Variants in RBPJ observed in about 807,000 individuals in gnomAD.
RBPJ encodes recombination signal binding protein for immunoglobulin kappa J region.
A neutral mutation model predicts 67.8 loss-of-function variants in RBPJ; 9 were observed. The ratio of observed to expected loss-of-function variants is 0.13; its 90% CI spans 0.08 to 0.23. RBPJ has a LOEUF of 0.23. Among genes scored for constraint, RBPJ ranks in the 10% least tolerant of loss-of-function variants. The pLI, the probability that RBPJ is intolerant of heterozygous loss-of-function variation, is 1.00. For synonymous variants in RBPJ, 198 were observed against 203.3 expected (o/e 0.97, Z 0.22); for missense variants, 305 against 595.6 (o/e 0.51, Z 5.08).
chr4:26,343,900 G>A (rs531667543), intron 1 of RBPJ, among the ~76,000 whole-genome samples: 6 of 151,930 alleles, frequency 3.9e-5, no homozygotes, highest in East Asian at 1.9e-4. Flanking sequence ...ACAGGCGCCC[G>A]CCACCACACT....
chr4:26,228,409 G>A (rs1263335764), intron 1 of RBPJ, among the ~76,000 whole-genome samples: 4 of 152,050 alleles, frequency 2.6e-5, no homozygotes, highest in African/African-American at 9.7e-5. Context: ...GCATGTATCC[G>A]GTCTTGATGT....
In RBPJ at chr4:26,385,254, C is replaced by T. The variant is rs1730792731; in HGVS notation, c.21-1099C>T. On this transcript the variant is annotated intron_variant, in intron 1 of 10. Transcript: ENST00000355476. ...CAGGCTGGTCTCGAACTCCTGACCT[C>T]AGGTGATCTGCCTGCCTCGGCCTCC... is the stretch of plus-strand genomic sequence containing the variant. 1.3e-5 allele frequency among the ~76,000 whole-genome samples: 2 copies of T among 151,730 alleles called. 1 individual carries two copies. Among genetic ancestry groups the T allele is most frequent in the African/African-American group, 4.8e-5 (2 of 41,270 alleles).
intron 1 of RBPJ, among the ~76,000 whole-genome samples, chr4:26,267,110 G>C (rs1720726634): frequency 6.6e-6 from 1 of 152,202 alleles, no homozygotes; most frequent in Non-Finnish European, 1.5e-5. Flanking sequence ...CAGAAGCCCA[G>C]TATTGACTTC....
chr4:26,238,326 T>G (rs1323201100), intron 1 of RBPJ, among the ~76,000 whole-genome samples: 2 of 152,182 alleles, frequency 1.3e-5, no homozygotes, highest in East Asian at 3.8e-4. Flanking sequence ...CCTCCCAAAG[T>G]GCTGGGATTA....
rs1165093974 is a variant in RBPJ at position 26,231,914 on chromosome 4, CAG to C, written c.-167+68303_-167+68304del. Among the ~76,000 whole-genome samples the C allele has an allele frequency of 2.7e-5, 4 of 150,200 alleles. No individual in the cohort carries two copies. In the East Asian group the frequency reaches 7.9e-4, roughly 30 times the overall value. On this transcript the variant is annotated intron_variant, in intron 1 of 4. Coordinates refer to the RBPJ transcript ENST00000512351. ...TTATTTATTTATTTATTTTTTTAGA[CAG>C]AGTCTCACTCTGTCGCCCAGGCTGG...
chr4:26,236,731 G>A (rs1719464344), intron 1 of RBPJ, among the ~76,000 whole-genome samples: 1 of 152,192 alleles, frequency 6.6e-6, no homozygotes, highest in Admixed American at 6.5e-5. Context: ...AACTCAATGT[G>A]GATGGGACCA....
chr4:26,271,139 C>T (rs902675287), intron 1 of RBPJ, among the ~76,000 whole-genome samples: 4 of 152,162 alleles, frequency 2.6e-5, no homozygotes, highest in African/African-American at 9.7e-5. Context: ...CTCCCAGGCT[C>T]AAGCTCTCCT....
chr4:26,286,259 G>T (rs890478196), intron 1 of RBPJ, among the ~76,000 whole-genome samples: 11 of 151,960 alleles, frequency 7.2e-5, no homozygotes, highest in Non-Finnish European at 1.6e-4. Context: ...CGGAAGGATC[G>T]CTTGAGCCCA....
intron 1 of RBPJ, among the ~76,000 whole-genome samples, chr4:26,338,038 T>C (rs1355792111): frequency 2.6e-5 from 4 of 151,790 alleles, no homozygotes; most frequent in Non-Finnish European, 4.4e-5. Context: ...ATACAGGAGT[T>C]AAAATTTTTA....
chr4:26,207,407 A>G (rs1010529599), intron 1 of RBPJ, among the ~76,000 whole-genome samples: 1 of 152,180 alleles, frequency 6.6e-6, no homozygotes, highest in Non-Finnish European at 1.5e-5. Context: ...TCTTCCCCGC[A>G]AAGCACCTAG....
intron 4 of RBPJ, among the ~76,000 whole-genome samples, chr4:26,420,170 AT>A (rs10707719): frequency 0.52 from 78,226 of 149,742 alleles, 20,992 homozygotes; most frequent in Admixed American, 0.63. Context: ...CTTTATTATT[AT>A]TTTTTTTTTG....
Position 26,391,911 on chromosome 4 carries a change from A to C in RBPJ, c.59+5520A>C, listed in dbSNP as rs765593221. ...CATAATTCTGGAGGCTGGGAAGTCT[A>C]AGATTAAGACACCAGTGTGTTTGAT... is the stretch of plus-strand genomic sequence containing the variant. On this transcript the variant is annotated intron_variant, in intron 2 of 10. Coordinates refer to ENST00000355476, the MANE Select transcript of RBPJ (RefSeq NM_015874.6). Among the ~76,000 whole-genome samples, 6 of 152,308 alleles carry C rather than the reference A, an allele frequency of 3.9e-5. No individual in the cohort carries two copies. The South Asian group carries it at 1.2e-3, about 32-fold the overall frequency.
At chr4:26,348,907 A>G (rs1726476433) in intron 1 of RBPJ, among the ~76,000 whole-genome samples, 2 of 152,016 alleles carry the variant, frequency 1.3e-5, no homozygotes, top group South Asian at 2.1e-4. Context: ...GAGTCTCACT[A>G]TGTTGCTCAG....
At chr4:26,387,336 A>G (rs991219817) in intron 2 of RBPJ, among the ~76,000 whole-genome samples, 39 of 152,190 alleles carry the variant, frequency 2.6e-4, no homozygotes, top group Middle Eastern at 3.2e-3. Flanking sequence ...ATAGTAATGG[A>G]TTAAAACCTG....
intron 1 of RBPJ, among the ~76,000 whole-genome samples, chr4:26,291,198 G>T (rs747124922): frequency 7.9e-5 from 12 of 151,046 alleles, no homozygotes; most frequent in Non-Finnish European, 1.5e-4. Context: ...GAAGCCACTT[G>T]TTGGAATGAC....
chr4:26,167,900 CCT>C (rs1716384020), intron 1 of RBPJ, among the ~76,000 whole-genome samples: 1 of 152,100 alleles, frequency 6.6e-6, no homozygotes, highest in African/African-American at 2.4e-5. Context: ...GCAACCCCTG[CCT>C]TTTTTTGTTT....
At chr4:26,239,475 C>A (rs1311692288) in intron 1 of RBPJ, among the ~76,000 whole-genome samples, 2 of 152,192 alleles carry the variant, frequency 1.3e-5, no homozygotes, top group Admixed American at 6.5e-5. Flanking sequence ...TTGTCAGGCG[C>A]ACAAGAGTCT....
the RBPJ span, among the ~76,000 whole-genome samples, chr4:26,119,115 A>T: frequency 2.4e-4 from 37 of 152,172 alleles, no homozygotes; most frequent in Non-Finnish European, 4.0e-4. Flanking sequence ...TTATAATATC[A>T]CTGTGGGTTA....
intron 1 of RBPJ, among the ~76,000 whole-genome samples, chr4:26,251,063 T>G (rs1720093493): frequency 6.6e-6 from 1 of 152,224 alleles, no homozygotes; most frequent in Non-Finnish European, 1.5e-5. Context: ...TGCTTTCATT[T>G]TTGAGATATC....
Sources: gnomAD v4.1 joint callset for allele counts (sites outside exome capture counted in the v4.1 genomes callset) on GRCh38, gnomAD v4.1.1 for gene constraint, MANE v1.5 for transcripts, NCBI Gene and HGNC (gene_info 2026-07-23, HGNC 2026-07-21) for gene names.